The following NCOA2 variants were observed in gnomAD, a reference collection of about 807,000 sequenced individuals.
NCOA2 encodes class E basic helix-loop-helix protein 75.
Under a neutral mutation model 145.1 loss-of-function variants are expected in NCOA2, and 21 were observed. That is an observed-to-expected ratio of 0.14 (90% CI 0.10 to 0.21). NCOA2 has a LOEUF of 0.21. Among genes scored for constraint, NCOA2 ranks in the 10% least tolerant of loss-of-function variants. NCOA2 has a pLI of 1.00. For synonymous variants in NCOA2, 619 were observed against 637.5 expected, an observed-to-expected ratio of 0.97 and a Z score of 0.44; for missense variants, 1,472 against 1,837.6, an observed-to-expected ratio of 0.80 and a Z score of 3.64.
In NCOA2 at chr8:70,159,669, A is replaced by C. The variant is rs1450775626; in HGVS notation, c.977-17T>G. ...GTCTCAGTACTGCAGGCAAGCAAGG[A>C]AACAGAAGGCACGTTTAGAAAAAAA... On this transcript the variant is annotated splice_polypyrimidine_tract_variant and intron_variant, in intron 9 of 22. Transcript: ENST00000452400. 5 of 1,599,498 alleles carry C rather than the reference A, an allele frequency of 3.1e-6. No individual in the cohort carries two copies. Among genetic ancestry groups the C allele is most frequent in the Non-Finnish European group, 4.3e-6 (5 of 1,168,826 alleles).
intron 2 of NCOA2, among the ~76,000 whole-genome samples, chr8:70,255,218 G>A (rs1219050633): frequency 6.6e-6 from 1 of 152,152 alleles, no homozygotes; most frequent in East Asian, 1.9e-4. Context: ...CCTGTTGTGT[G>A]CCCAAGGTTT....
chr8:70,390,723 G>A (rs1813120133), intron 1 of NCOA2, among the ~76,000 whole-genome samples: 2 of 152,110 alleles, frequency 1.3e-5, no homozygotes, highest in African/African-American at 2.4e-5. Flanking sequence ...GCTATGATCC[G>A]TGCCACTGTA....
chr8:70,371,495 T>A (rs147495951), intron 1 of NCOA2, among the ~76,000 whole-genome samples: 1 of 152,320 alleles, frequency 6.6e-6, no homozygotes, highest in East Asian at 1.9e-4. Context: ...AGATTTCTTA[T>A]TTAACATATA....
intron 1 of NCOA2, among the ~76,000 whole-genome samples, chr8:70,362,170 AT>A (rs747242911): frequency 4.1e-4 from 62 of 152,320 alleles, no homozygotes; most frequent in Admixed American, 7.8e-4. Flanking sequence ...AATAAGGAAA[AT>A]ATGTGTTTAT....
intron 1 of NCOA2, among the ~76,000 whole-genome samples, chr8:70,358,514 T>C (rs1281541196): frequency 6.6e-6 from 1 of 152,200 alleles, no homozygotes; most frequent in Non-Finnish European, 1.5e-5. Flanking sequence ...GGGGCAAGAA[T>C]GGTCTATTCA....
At chr8:70,230,556 T>C (rs1034084226) in intron 2 of NCOA2, among the ~76,000 whole-genome samples, 1 of 152,152 alleles carries the variant, frequency 6.6e-6, no homozygotes, top group Non-Finnish European at 1.5e-5. Context: ...AACAGATAAA[T>C]AGATAGTTTG....
intron 1 of NCOA2, among the ~76,000 whole-genome samples, chr8:70,362,867 C>T (rs1352531862): frequency 2.0e-5 from 3 of 150,292 alleles, no homozygotes; most frequent in Non-Finnish European, 4.4e-5. Context: ...TGTTTAAGCC[C>T]AGGAGTTTGA....
chr8:70,188,084 CCA>C (rs1288008822), intron 4 of NCOA2, among the ~76,000 whole-genome samples: 2 of 152,156 alleles, frequency 1.3e-5, no homozygotes, highest in Non-Finnish European at 2.9e-5. Flanking sequence ...CTGGGCAGGT[CCA>C]GTTTTCAGAG....
chr8:70,306,759 G>A (rs1827928450), intron 1 of NCOA2, among the ~76,000 whole-genome samples: 1 of 152,112 alleles, frequency 6.6e-6, no homozygotes, highest in African/African-American at 2.4e-5. Flanking sequence ...CGTGCCTGCA[G>A]TCCCAGCTAC....
At chr8:70,449,106 T>A in the NCOA2 span, among the ~76,000 whole-genome samples, 1 of 152,182 alleles carries the variant, frequency 6.6e-6, no homozygotes, top group East Asian at 1.9e-4. Flanking sequence ...GCACCTGGCC[T>A]ACCTTACACT....
chr8:70,349,609 T>C (rs1808985839), intron 1 of NCOA2, among the ~76,000 whole-genome samples: 1 of 152,104 alleles, frequency 6.6e-6, no homozygotes, highest in African/African-American at 2.4e-5. Flanking sequence ...TGGTCTCCAG[T>C]CACAACCAAC....
intron 16 of NCOA2, among the ~76,000 whole-genome samples, chr8:70,131,478 CA>C (rs1374183275): frequency 6.6e-6 from 1 of 152,174 alleles, no homozygotes; most frequent in African/African-American, 2.4e-5. Flanking sequence ...CACCAACTTC[CA>C]GGGGGAAGCG....
chr8:70,295,346 T>C (rs189158276), intron 2 of NCOA2, among the ~76,000 whole-genome samples: 1 of 152,224 alleles, frequency 6.6e-6, no homozygotes, highest in Admixed American at 6.5e-5. Flanking sequence ...CGATATAAAC[T>C]GGACAACTTT....
At chr8:70,338,519 G>A (rs1807837105) in intron 1 of NCOA2, among the ~76,000 whole-genome samples, 1 of 152,244 alleles carries the variant, frequency 6.6e-6, no homozygotes, top group South Asian at 2.1e-4. Context: ...ACAAAGAAGA[G>A]CTGGTACCAT....
At chr8:70,184,679 C>T (rs1237575420) in intron 4 of NCOA2, among the ~76,000 whole-genome samples, 2 of 152,036 alleles carry the variant, frequency 1.3e-5, no homozygotes, top group Admixed American at 1.3e-4. Context: ...TAAAGATGGC[C>T]AATAAACGTG....
At chr8:70,448,997 G>A in the NCOA2 span, among the ~76,000 whole-genome samples, 1 of 151,898 alleles carries the variant, frequency 6.6e-6, no homozygotes, top group Non-Finnish European at 1.5e-5. Flanking sequence ...TTAGAGATGG[G>A]GTCTTACTGT....
chr8:70,223,394 A>G (rs553859655), intron 2 of NCOA2, among the ~76,000 whole-genome samples: 1 of 152,336 alleles, frequency 6.6e-6, no homozygotes, highest in African/African-American at 2.4e-5. Context: ...TGAGTTGTCA[A>G]CAGTTCTTAA....
intron 2 of NCOA2, among the ~76,000 whole-genome samples, chr8:70,292,549 G>GAAAAA (rs199760603): frequency 4.6e-3 from 471 of 101,372 alleles, no homozygotes; most frequent in Non-Finnish European, 8.2e-3. Flanking sequence ...TCCATCTCAG[G>GAAAAA]AAAAAAAAAA....
intron 4 of NCOA2, among the ~76,000 whole-genome samples, chr8:70,204,650 C>T (rs574677104): frequency 1.1e-4 from 16 of 152,070 alleles, no homozygotes; most frequent in Admixed American, 2.0e-4. Context: ...CAGAAAAATC[C>T]AACAAATATT....
Sources: gnomAD v4.1 joint callset for allele counts (sites outside exome capture counted in the v4.1 genomes callset) on GRCh38, gnomAD v4.1.1 for gene constraint, MANE v1.5 for transcripts, NCBI Gene and HGNC (gene_info 2026-07-23, HGNC 2026-07-21) for gene names.